MCCC1: variants seen among roughly 807,000 people sequenced by gnomAD.
MCCC1 encodes methylcrotonyl-CoA carboxylase subunit 1.
MCCC1 carries 64 observed loss-of-function variants against 83.8 expected under a neutral mutation model. The observed-to-expected ratio is 0.76, with a 90% CI of 0.62 to 0.94. The LOEUF (loss-of-function observed/expected upper bound fraction) is 0.94, where lower values mean the gene tolerates loss of function less well. Among genes scored for constraint, MCCC1 ranks in the 40% least tolerant of loss-of-function variants. The pLI, the probability that MCCC1 is intolerant of heterozygous loss-of-function variation, is 0.00. For missense variants in MCCC1, 807 were observed against 904.7 expected (o/e 0.89, Z 1.39); for synonymous variants, 322 against 315.4 (o/e 1.02, Z -0.22).
intron 1 of MCCC1, among the ~76,000 whole-genome samples, chr3:183,113,053 G>A (rs1191222618): frequency 2.0e-5 from 3 of 151,888 alleles, no homozygotes; most frequent in East Asian, 1.9e-4. Flanking sequence ...GTGAAACTCC[G>A]TCTCTACTAA....
chr3:183,034,442 A>G (rs1451159167), intron 13 of MCCC1, among the ~76,000 whole-genome samples: 2 of 145,190 alleles, frequency 1.4e-5, no homozygotes, highest in African/African-American at 2.6e-5. Context: ...GCGACAGAGC[A>G]AGACTCCGTC....
chr3:183,043,380 T>C (rs1714275158), intron 10 of MCCC1, among the ~76,000 whole-genome samples: 1 of 152,240 alleles, frequency 6.6e-6, no homozygotes, highest in African/African-American at 2.4e-5. Flanking sequence ...ATCATGCCTC[T>C]GGGTCTTTGG....
At chr3:183,069,216 C>T (rs1560254734) in intron 7 of MCCC1, among the ~76,000 whole-genome samples, 1 of 152,146 alleles carries the variant, frequency 6.6e-6, no homozygotes. Context: ...CTTTGATTCC[C>T]AGGGGCTTTC....
chr3:183,077,807 GA>G (rs1560264498), intron 4 of MCCC1, among the ~76,000 whole-genome samples: 1 of 152,000 alleles, frequency 6.6e-6, no homozygotes, highest in East Asian at 1.9e-4. Flanking sequence ...AAGAGTCTAG[GA>G]TCTAGACTTC....
Position 183,072,363 on chromosome 3 carries a change from T to G in MCCC1, c.491+3A>C, listed in dbSNP as rs776427391. On this transcript the variant is annotated splice_donor_region_variant and intron_variant, in intron 5 of 18. Coordinates refer to ENST00000265594, the MANE Select transcript of MCCC1 (RefSeq NM_020166.5). ...TTATATTTTAAAAGATATAAACTCATACCTCTTTATACCCATGTCTCTAAT... is the reference window on the plus strand; with the variant it reads ...TTATATTTTAAAAGATATAAACTCAGACCTCTTTATACCCATGTCTCTAAT... 2 of 1,613,548 alleles carry G rather than the reference T, an allele frequency of 1.2e-6. No homozygotes were observed. The highest frequency in any genetic ancestry group is 1.7e-6 in the Non-Finnish European group (2 of 1,179,670).
intron 5 of MCCC1, among the ~76,000 whole-genome samples, chr3:183,071,696 C>A (rs1716704396): frequency 8.3e-6 from 1 of 120,214 alleles, no homozygotes. Context: ...ATAGGTAAAA[C>A]AAACTATTTC....
intron 7 of MCCC1, among the ~76,000 whole-genome samples, chr3:183,061,956 G>A (rs1385757426): frequency 1.3e-5 from 2 of 152,156 alleles, no homozygotes; most frequent in African/African-American, 4.8e-5. Context: ...AATCATGGGG[G>A]CAGGTTTTTC....
At chr3:183,092,659 TG>T (rs1025217637) in intron 2 of MCCC1, 114 bp from the exon 3 acceptor site, 37 of 1,386,314 alleles carry the variant, frequency 2.7e-5, no homozygotes, top group South Asian at 2.2e-4. Context: ...TCAAGGTTTT[TG>T]GTAAAACTAG....
chr3:183,081,595 G>A (rs993619360), intron 4 of MCCC1, among the ~76,000 whole-genome samples: 7 of 152,178 alleles, frequency 4.6e-5, no homozygotes, highest in African/African-American at 1.4e-4. Context: ...CAAGTGTAAG[G>A]TACATAGATG....
Position 183,022,211 on chromosome 3 carries a change from T to C in MCCC1, c.1869+206A>G, listed in dbSNP as rs191325929. 2.6e-4 allele frequency among the ~76,000 whole-genome samples: 39 copies of C among 152,322 alleles called. 1 individual carries two copies. Among genetic ancestry groups the C allele is most frequent in the African/African-American group, 8.2e-4 (34 of 41,564 alleles). ...ATGGGTATGTGTCTATCAATGAGCA[T>C]CTGTGTGAACGAGAGAAGTGAATGG... On this transcript the variant is annotated intron_variant, in intron 16 of 18. Coordinates refer to ENST00000265594, the MANE Select transcript of MCCC1 (RefSeq NM_020166.5).
At chr3:183,084,885 T>A (rs1448360128) in intron 4 of MCCC1, among the ~76,000 whole-genome samples, 2 of 152,136 alleles carry the variant, frequency 1.3e-5, no homozygotes, top group African/African-American at 4.8e-5. Context: ...AGTGAACCCC[T>A]GTCTCAAAAA....
intron 14 of MCCC1, among the ~76,000 whole-genome samples, chr3:183,029,622 G>A (rs1330744588): frequency 6.6e-6 from 1 of 152,182 alleles, no homozygotes; most frequent in Non-Finnish European, 1.5e-5. Context: ...ACTTAAAACA[G>A]TTGGTCATTC....
chr3:183,113,234 A>G (rs1719529659), intron 1 of MCCC1, among the ~76,000 whole-genome samples: 1 of 151,822 alleles, frequency 6.6e-6, no homozygotes, highest in Non-Finnish European at 1.5e-5. Flanking sequence ...AAAAAAAAAA[A>G]AAAAAATTAA....
chr3:183,061,982 G>A (rs1577313984), intron 7 of MCCC1, among the ~76,000 whole-genome samples: 1 of 152,266 alleles, frequency 6.6e-6, no homozygotes, highest in East Asian at 1.9e-4. Flanking sequence ...CTGTTCTTGT[G>A]ATAGTAAAGT....
At chr3:183,038,370 GA>G (rs1018782371) in intron 12 of MCCC1, among the ~76,000 whole-genome samples, 1 of 152,184 alleles carries the variant, frequency 6.6e-6, no homozygotes, top group Non-Finnish European at 1.5e-5. Flanking sequence ...GATTGGACAG[GA>G]ATGCATGGCT....
chr3:183,037,393 C>T lies in MCCC1; in HGVS notation c.1419G>A (p.Leu473=), dbSNP rs1436710016. 1 of 1,614,168 alleles carries T rather than the reference C, an allele frequency of 6.2e-7. No homozygotes were observed. Among genetic ancestry groups the T allele is most frequent in the Non-Finnish European group, 8.5e-7 (1 of 1,180,044 alleles). Residue 473 remains leucine, a synonymous_variant, in exon 13 of 19, where the codon CTG becomes CTA. Transcript: ENST00000265594. ...LHTNIDFLLN[L]SGHPEFEAGN... ...CAGCTTCAAACTCTGGGTGGCCAGA[C>T]AGGTTGAGTAAGAAGTCAATGTTGG... is the stretch of plus-strand genomic sequence containing the variant.
chr3:183,031,172 C>G (rs1406986886), intron 14 of MCCC1, among the ~76,000 whole-genome samples: 1 of 152,198 alleles, frequency 6.6e-6, no homozygotes, highest in Non-Finnish European at 1.5e-5. Flanking sequence ...AATTACTAAT[C>G]TCTCTGAGCC....
Position 183,092,385 on chromosome 3 carries a change from T to C in MCCC1, c.273+24A>G, listed in dbSNP as rs1718424331. On this transcript the variant is annotated intron_variant, in intron 3 of 18. Coordinates refer to ENST00000265594, the MANE Select transcript of MCCC1 (RefSeq NM_020166.5). Reference sequence around the variant, plus strand: ...ACAGTAAACGAATAAACGTAAGACGTGGCTTCCAATTTTTAACACATACCA... The same window carrying C: ...ACAGTAAACGAATAAACGTAAGACGCGGCTTCCAATTTTTAACACATACCA... 7 of 1,614,134 alleles carry C rather than the reference T, an allele frequency of 4.3e-6. No individual in the cohort carries two copies. In the East Asian group the frequency reaches 1.6e-4, roughly 36 times the overall value.
At chr3:183,045,286 G>A in intron 10 of MCCC1, 127 bp downstream of exon 10, 2 of 1,081,478 alleles carry the variant, frequency 1.8e-6, no homozygotes, top group Non-Finnish European at 2.7e-6. Flanking sequence ...CACCACATTG[G>A]CCAGGCTGGT....
Sources: allele counts gnomAD v4.1 joint callset (sites outside exome capture counted in the v4.1 genomes callset), GRCh38; gene constraint gnomAD v4.1.1; transcripts MANE v1.5; gene names NCBI Gene and HGNC (gene_info 2026-07-23, HGNC 2026-07-21).